Variants in PARD3B observed in about 807,000 individuals in gnomAD.
The protein encoded by PARD3B is par-3 family cell polarity regulator beta, also known as partitioning defective 3 homolog B.
PARD3B carries 103 observed loss-of-function variants against 130.2 expected under a neutral mutation model. The ratio of observed to expected loss-of-function variants is 0.79; its 90% confidence interval spans 0.67 to 0.93. The LOEUF is 0.93. Ranked by LOEUF, PARD3B falls within the 40% of genes least tolerant of loss-of-function variation. PARD3B has a pLI of 0.00. For missense variants in PARD3B, 1,609 were observed against 1,499.2 expected (o/e 1.07, Z -1.21); for synonymous variants, 583 against 553.2 (o/e 1.05, Z -0.76).
At chr2:205,390,493 A>G (rs192964231) in intron 18 of PARD3B, among the ~76,000 whole-genome samples, 43 of 152,346 alleles carry the variant, frequency 2.8e-4, no homozygotes, top group Non-Finnish European at 4.1e-4. Context: ...TTAATTCGGT[A>G]TGCTAGAGAA....
At chr2:204,667,761 T>C (rs1301066190) in intron 1 of PARD3B, among the ~76,000 whole-genome samples, 3 of 152,178 alleles carry the variant, frequency 2.0e-5, no homozygotes, top group African/African-American at 4.8e-5. Context: ...AGCGCTTTCA[T>C]AGAATCTTTA....
chr2:205,034,554 A>G (rs909431447), intron 3 of PARD3B, among the ~76,000 whole-genome samples: 2 of 152,110 alleles, frequency 1.3e-5, no homozygotes, highest in Non-Finnish European at 2.9e-5. Flanking sequence ...ACAAAATACA[A>G]CTACATACAC....
At chr2:204,932,108 C>A (rs1414836075) in intron 2 of PARD3B, among the ~76,000 whole-genome samples, 1 of 152,066 alleles carries the variant, frequency 6.6e-6, no homozygotes, top group East Asian at 1.9e-4. Flanking sequence ...GAGATCTTTT[C>A]ATCATTCATG....
At chr2:205,342,759 T>A (rs764046732) in intron 18 of PARD3B, among the ~76,000 whole-genome samples, 4 of 152,234 alleles carry the variant, frequency 2.6e-5, no homozygotes, top group Non-Finnish European at 5.9e-5. Context: ...TACCTTATTT[T>A]ACCTGAGTTA....
rs2052731299 is a variant in PARD3B, at chr2:205,553,312, T to C, written c.3181-12T>C. 1 of 1,611,976 alleles carries C rather than the reference T, an allele frequency of 6.2e-7. No individual in the cohort carries two copies. Among genetic ancestry groups the C allele is most frequent in the Non-Finnish European group, 8.5e-7 (1 of 1,178,354 alleles). Reference sequence around the variant, plus strand: ...AATGGATCTTCATCTCTAATTGCTTTTCTCTCCACAGGTGCCTGGAAGGGG... The same window carrying C: ...AATGGATCTTCATCTCTAATTGCTTCTCTCTCCACAGGTGCCTGGAAGGGG... On this transcript the variant is annotated splice_polypyrimidine_tract_variant and intron_variant, in intron 21 of 22. Coordinates refer to ENST00000406610, the MANE Select transcript of PARD3B (RefSeq NM_001302769.2).
intron 2 of PARD3B, among the ~76,000 whole-genome samples, chr2:204,944,063 G>A (rs1425924922): frequency 6.6e-6 from 1 of 152,144 alleles, no homozygotes; most frequent in African/African-American, 2.4e-5. Flanking sequence ...TGAGACAAGA[G>A]AAGATAATCT....
chr2:204,581,665 C>A (rs1405863824), intron 1 of PARD3B, among the ~76,000 whole-genome samples: 4 of 152,120 alleles, frequency 2.6e-5, no homozygotes, highest in Non-Finnish European at 5.9e-5. Context: ...CATACCAGGG[C>A]TTGATATCCC....
rs375164744 is a variant in PARD3B at position 205,440,670 on chromosome 2, C to T, written c.3042C>T (p.Asp1014=). 4.3e-6 allele frequency: 7 copies of T among 1,610,424 alleles called. No homozygotes were observed. In the Admixed American group the frequency reaches 6.7e-5, roughly 15 times the overall value. Residue 1014 remains aspartate (D), a splice_region_variant and synonymous_variant, in exon 20 of 23, where the codon GAC becomes GAT. Transcript: ENST00000406610. This position sits in a 1 kb window ranked among gnomAD's most constrained non-coding sequence, Gnocchi z 4.2. ...CATACCATCCACTGGTTCCAGCTGA[C>T]AGGTAATAAACTTAGTGAAAGATAA... ...NKPYHPLVPA[D]SGRPTGGSTD...
chr2:205,075,976 A>G (rs1701034972), intron 4 of PARD3B, among the ~76,000 whole-genome samples: 1 of 152,312 alleles, frequency 6.6e-6, no homozygotes, highest in African/African-American at 2.4e-5. Context: ...TATATATTTT[A>G]TATGATAAAT....
intron 3 of PARD3B, among the ~76,000 whole-genome samples, chr2:205,009,970 C>T (rs571559657): frequency 6.6e-6 from 1 of 152,066 alleles, no homozygotes; most frequent in African/African-American, 2.4e-5. Flanking sequence ...TCACTTCAAC[C>T]CATGAGGTAG....
At chr2:205,007,290 G>T (rs1695347005) in intron 3 of PARD3B, among the ~76,000 whole-genome samples, 1 of 152,064 alleles carries the variant, frequency 6.6e-6, no homozygotes, top group East Asian at 1.9e-4. Flanking sequence ...TTTCCTTTAT[G>T]TATTACCCAG....
chr2:204,666,307 A>G (rs2036020699), intron 1 of PARD3B, among the ~76,000 whole-genome samples: 1 of 152,224 alleles, frequency 6.6e-6, no homozygotes, highest in African/African-American at 2.4e-5. Flanking sequence ...AAGGATTCAT[A>G]TGTGAGATGA....
intron 18 of PARD3B, among the ~76,000 whole-genome samples, chr2:205,379,965 G>A (rs2045249645): frequency 6.7e-6 from 1 of 149,676 alleles, no homozygotes; most frequent in Admixed American, 6.8e-5. Context: ...CTACTCAGGA[G>A]GCAGAGGCAA....
chr2:205,135,662 C>G (rs957096513), intron 10 of PARD3B, among the ~76,000 whole-genome samples: 1 of 151,964 alleles, frequency 6.6e-6, no homozygotes, highest in Non-Finnish European at 1.5e-5. Flanking sequence ...CCTGCCCTGT[C>G]CCCAAAGATT....
chr2:205,278,301 A>G (rs2041030922), intron 16 of PARD3B, among the ~76,000 whole-genome samples: 1 of 152,128 alleles, frequency 6.6e-6, no homozygotes, highest in Non-Finnish European at 1.5e-5. Flanking sequence ...GATAGAAGTG[A>G]GAGTACTTGC....
intron 3 of PARD3B, among the ~76,000 whole-genome samples, chr2:204,972,753 T>C (rs1691818346): frequency 6.6e-6 from 1 of 152,176 alleles, no homozygotes; most frequent in South Asian, 2.1e-4. Context: ...TTTGGCCTCT[T>C]ACCAATGCTG....
At chr2:204,657,166 AAG>A (rs540196143) in intron 1 of PARD3B, among the ~76,000 whole-genome samples, 2 of 152,222 alleles carry the variant, frequency 1.3e-5, no homozygotes, top group African/African-American at 2.4e-5. Context: ...CTGGAGGAGA[AAG>A]AGAGGAAACT....
At chr2:204,998,335 T>C (rs180699644) in intron 3 of PARD3B, among the ~76,000 whole-genome samples, 1,217 of 62,190 alleles carry the variant, frequency 0.02, 52 homozygotes, top group South Asian at 0.044. Flanking sequence ...TATATATATA[T>C]ATATATATAT....
rs572614066 is a variant in PARD3B, at chr2:204,643,006, C to T, written c.121-43175C>T. ...GCAGGTGCCTGTAGTCCCAGCTACT[C>T]GGGAGGCTGAGGCAGGAGAATCATT... On this transcript the variant is annotated intron_variant, in intron 1 of 22. Coordinates refer to ENST00000406610, the MANE Select transcript of PARD3B (RefSeq NM_001302769.2). 5.4e-5 allele frequency among the ~76,000 whole-genome samples: 8 copies of T among 148,170 alleles called. No homozygotes were observed. The South Asian group carries it at 1.1e-3, about 20-fold the overall frequency.
Sources: gnomAD v4.1 joint callset for allele counts (sites outside exome capture counted in the v4.1 genomes callset) on GRCh38, gnomAD v4.1.1 for gene constraint, Gnocchi (gnomAD v3.1) non-coding constraint, MANE v1.5 for transcripts, NCBI Gene and HGNC (gene_info 2026-07-23, HGNC 2026-07-21) for gene names.